Variants in UBE2E3 observed in about 807,000 individuals in gnomAD.
The protein encoded by UBE2E3 is ubiquitin conjugating enzyme E2 E3.
Under a neutral mutation model 23.6 loss-of-function variants are expected in UBE2E3, and 5 were observed. That is an observed-to-expected ratio of 0.21 (90% CI 0.11 to 0.44). The LOEUF is 0.44. Ranked by LOEUF, UBE2E3 falls within the 20% of genes least tolerant of loss-of-function variation. The probability of loss-of-function intolerance (pLI) is 0.99; values close to 1 mark genes in which losing one functional copy is unlikely to be tolerated. For missense variants in UBE2E3, 81 were observed against 249.8 expected, an observed-to-expected ratio of 0.32 and a Z score of 4.55; for synonymous variants, 78 against 87.5, an observed-to-expected ratio of 0.89 and a Z score of 0.60.
intron 3 of UBE2E3, among the ~76,000 whole-genome samples, chr2:181,021,586 T>TCCTTCCTTCCTCCCTCCCTC (rs1559124310): frequency 5.2e-5 from 3 of 57,758 alleles, no homozygotes; most frequent in African/African-American, 1.6e-4. Flanking sequence ...CTCCCTCCCT[T>TCCTTCCTTCCTCCCTCCCTC]CCTTCCTCCC....
intron 3 of UBE2E3, among the ~76,000 whole-genome samples, chr2:180,995,202 C>T (rs568057997): frequency 8.9e-4 from 136 of 152,058 alleles, no homozygotes; most frequent in Middle Eastern, 3.4e-3. Context: ...CCATGGGACC[C>T]ATGGTGTTAG....
intron 3 of UBE2E3, among the ~76,000 whole-genome samples, chr2:181,036,117 T>G (rs1323532666): frequency 6.6e-6 from 1 of 152,194 alleles, no homozygotes; most frequent in Non-Finnish European, 1.5e-5. Flanking sequence ...TTCTAATTTT[T>G]GCAAAGAAAG....
chr2:181,060,626 C>A, intron 4 of UBE2E3, 39 bp from the exon 5 acceptor site: 1 of 1,525,674 alleles, frequency 6.6e-7, no homozygotes, highest in South Asian at 1.3e-5. Context: ...GGTAATACAG[C>A]ATTCATTTTC....
At chr2:181,030,445 A>G (rs1030373638) in intron 3 of UBE2E3, among the ~76,000 whole-genome samples, 1 of 151,992 alleles carries the variant, frequency 6.6e-6, no homozygotes, top group Non-Finnish European at 1.5e-5. Flanking sequence ...TTGGCAATAT[A>G]TATTATCTTT....
At chr2:181,059,528 A>G (rs1452063344) in intron 4 of UBE2E3, among the ~76,000 whole-genome samples, 1 of 151,762 alleles carries the variant, frequency 6.6e-6, no homozygotes, top group South Asian at 2.1e-4. Context: ...ATATTAGTTA[A>G]CCCAACATAT....
intron 3 of UBE2E3, among the ~76,000 whole-genome samples, chr2:181,030,676 C>G (rs554269166): frequency 6.6e-6 from 1 of 152,082 alleles, no homozygotes; most frequent in Admixed American, 6.5e-5. Context: ...TCCTGTAAAA[C>G]TATGTGGACC....
intron 3 of UBE2E3, among the ~76,000 whole-genome samples, chr2:181,049,794 T>G (rs1298268004): frequency 3.3e-5 from 5 of 152,062 alleles, no homozygotes; most frequent in African/African-American, 7.2e-5. Context: ...AAGATGGTTT[T>G]GCAGACTGAA....
chr2:181,007,343 C>T (rs1247712911), intron 3 of UBE2E3, among the ~76,000 whole-genome samples: 2 of 152,122 alleles, frequency 1.3e-5, no homozygotes, highest in Admixed American at 6.6e-5. Context: ...AGAAGGCTAG[C>T]GTGTTTTCCA....
At chr2:181,029,601 T>C (rs1266729350) in intron 3 of UBE2E3, among the ~76,000 whole-genome samples, 2 of 151,946 alleles carry the variant, frequency 1.3e-5, no homozygotes, top group Non-Finnish European at 2.9e-5. Flanking sequence ...TAAATGTTCT[T>C]TTTAATTCTA....
At chr2:181,012,188 G>A (rs1022298599) in intron 3 of UBE2E3, among the ~76,000 whole-genome samples, 7 of 151,974 alleles carry the variant, frequency 4.6e-5, no homozygotes, top group Admixed American at 2.0e-4. Context: ...CCTTTCTTGC[G>A]TCAACACTTA....
At chr2:181,013,377 G>A (rs971290820) in intron 3 of UBE2E3, among the ~76,000 whole-genome samples, 13 of 152,172 alleles carry the variant, frequency 8.5e-5, no homozygotes, top group Non-Finnish European at 7.3e-5. Context: ...GTATCAGCAG[G>A]CTGTAGCTGT....
At position 180,994,935 on chromosome 2, in the gene UBE2E3, G is replaced by A. The variant is rs191223078; in HGVS notation, c.245+10842G>A. 3.0e-3 allele frequency among the ~76,000 whole-genome samples: 458 copies of A among 152,214 alleles called. 8 individuals are homozygous for A. Among genetic ancestry groups the A allele is most frequent in the Non-Finnish European group, 8.1e-4 (55 of 68,000 alleles). On this transcript the variant is annotated intron_variant, in intron 3 of 5. Transcript: ENST00000410062. ...GGTGCCATTTGGAGTCAAGAGAATC[G>A]TTAATGTAAATATTAAATCGTAACT...
intron 3 of UBE2E3, among the ~76,000 whole-genome samples, chr2:181,035,817 C>G (rs1029384685): frequency 6.6e-6 from 1 of 151,966 alleles, no homozygotes; most frequent in Non-Finnish European, 1.5e-5. Context: ...GGGTTTTTAC[C>G]ACAGGAACAG....
intron 3 of UBE2E3, among the ~76,000 whole-genome samples, chr2:181,022,513 C>G (rs1280601426): frequency 1.3e-5 from 2 of 151,822 alleles, no homozygotes; most frequent in East Asian, 3.9e-4. Context: ...ATTGTTGATT[C>G]ATTAACATTT....
chr2:181,047,144 A>G (rs1686694863), intron 3 of UBE2E3, among the ~76,000 whole-genome samples: 2 of 152,118 alleles, frequency 1.3e-5, no homozygotes, highest in Non-Finnish European at 2.9e-5. Flanking sequence ...TTTCTAACAC[A>G]CTTTTCAAAC....
intron 3 of UBE2E3, among the ~76,000 whole-genome samples, chr2:180,991,965 G>A (rs1684671386): frequency 6.6e-6 from 1 of 152,152 alleles, no homozygotes. Context: ...TGTGGAAAGT[G>A]GAACTGCACA....
intron 3 of UBE2E3, among the ~76,000 whole-genome samples, chr2:180,997,479 G>A (rs571464625): frequency 6.6e-6 from 1 of 151,766 alleles, no homozygotes; most frequent in African/African-American, 2.4e-5. Flanking sequence ...ACTCTCCTTA[G>A]TATTTAGTAT....
intron 3 of UBE2E3, among the ~76,000 whole-genome samples, chr2:181,021,415 C>CCCTCCCTT (rs1383802510): frequency 7.2e-6 from 1 of 138,694 alleles, no homozygotes; most frequent in South Asian, 2.5e-4. Context: ...TCCCCTCCCT[C>CCCTCCCTT]CCTCCCTTCC....
chr2:181,062,437 T>A (rs924100787), intron 5 of UBE2E3, among the ~76,000 whole-genome samples: 1 of 151,636 alleles, frequency 6.6e-6, no homozygotes, highest in African/African-American at 2.4e-5. Flanking sequence ...AATTAACCAT[T>A]TTTGAACTAT....
Sources: allele counts gnomAD v4.1 joint callset (sites outside exome capture counted in the v4.1 genomes callset), GRCh38; gene constraint gnomAD v4.1.1; transcripts MANE v1.5; gene names NCBI Gene and HGNC (gene_info 2026-07-23, HGNC 2026-07-21).